The following PCDH11X variants were observed in gnomAD, a reference collection of about 807,000 sequenced individuals.
The protein encoded by PCDH11X is protocadherin-11 X-linked.
A neutral mutation model predicts 53.3 loss-of-function variants in PCDH11X; 18 were observed. The ratio of observed to expected loss-of-function variants is 0.34; its 90% CI spans 0.23 to 0.50. The LOEUF is 0.50. Among genes scored for constraint, PCDH11X ranks in the 20% least tolerant of loss-of-function variants. PCDH11X has a pLI of 0.98. For missense variants in PCDH11X, 570 were observed against 1,032.4 expected (o/e 0.55, Z 6.14); for synonymous variants, 279 against 393.3 (o/e 0.71, Z 3.44).
intron 4 of PCDH11X, among the ~76,000 whole-genome samples, chrX:91,832,984 G>A (rs1262460758): frequency 1.0e-5 from 1 of 97,040 alleles, no homozygotes; most frequent in African/African-American, 3.8e-5. Flanking sequence ...AATTTTTCCT[G>A]ATCCTCTCCC....
intron 10 of PCDH11X, among the ~76,000 whole-genome samples, chrX:92,578,182 G>A (rs776201154): frequency 1.1e-5 from 1 of 93,760 alleles, no homozygotes; most frequent in Non-Finnish European, 2.1e-5. Context: ...GACACAGGGA[G>A]GGGAACATCA....
At position 92,094,169 on chromosome X, in the gene PCDH11X, GTGTGTGTA is replaced by G. The variant is rs1439281133; in HGVS notation, c.3034-107204_3034-107197del. Among the ~76,000 whole-genome samples the G allele has an allele frequency of 5.2e-3, 426 of 81,405 alleles. 4 individuals carry two copies. The highest frequency in any genetic ancestry group is 0.023 in the African/African-American group (392 of 17,070). 70.7% of individuals were successfully genotyped at this position (81,405 alleles called of 115,157 possible). A position where few individuals can be genotyped will look rare whatever the true frequency, so the allele number is the denominator to read the frequency against. ...TGTGTGTGTGTGTGTGTGTGTGTGTGTGTGTGTATATATATATAAAACATTAAATTAAA... is the reference window on the plus strand; with the variant it reads ...TGTGTGTGTGTGTGTGTGTGTGTGTGTATATATATAAAACATTAAATTAAA... On this transcript the variant is annotated intron_variant, in intron 6 of 10. Coordinates refer to ENST00000682573, the MANE Select transcript of PCDH11X (RefSeq NM_032968.5).
intron 6 of PCDH11X, among the ~76,000 whole-genome samples, chrX:92,104,523 A>G (rs949424657): frequency 6.3e-5 from 7 of 111,312 alleles, no homozygotes; most frequent in Non-Finnish European, 1.1e-4. Flanking sequence ...GGAAAAATTG[A>G]AAGTGCCGTT....
chrX:92,174,786 T>C (rs1366326770), intron 6 of PCDH11X, among the ~76,000 whole-genome samples: 1 of 111,458 alleles, frequency 9.0e-6, no homozygotes, highest in Non-Finnish European at 1.9e-5. Flanking sequence ...CCAAAATAAA[T>C]GTTACTACTT....
chrX:91,796,286 T>C (rs1202890601), intron 1 of PCDH11X, among the ~76,000 whole-genome samples: 3 of 112,146 alleles, frequency 2.7e-5, no homozygotes, highest in Admixed American at 1.9e-4. Flanking sequence ...TGTTCTTTTC[T>C]ACCAGAGCCA....
At position 92,537,156 on chromosome X, in the gene PCDH11X, T is replaced by C. The variant is rs190883700; in HGVS notation, c.3367+68834T>C. On this transcript the variant is annotated intron_variant, in intron 10 of 10. Coordinates refer to ENST00000682573, the MANE Select transcript of PCDH11X (RefSeq NM_032968.5). ...CATTTTGTGAGTTGTCTTTTAACTT[T>C]GTTTATTATTTTCTTCATCCTGCAG... Among the ~76,000 whole-genome samples, 351 of 110,976 alleles carry C rather than the reference T, an allele frequency of 3.2e-3. 2 individuals are homozygous for C. Among genetic ancestry groups the C allele is most frequent in the African/African-American group, 0.011 (337 of 30,584 alleles).
chrX:92,132,894 A>G (rs2065020484), intron 6 of PCDH11X, among the ~76,000 whole-genome samples: 1 of 108,643 alleles, frequency 9.2e-6, no homozygotes, highest in Admixed American at 1.0e-4. Flanking sequence ...AAGAATTCAA[A>G]TCCTTTTCAA....
At chrX:92,563,067 T>G (rs1390923483) in intron 10 of PCDH11X, among the ~76,000 whole-genome samples, 8 of 84,590 alleles carry the variant, frequency 9.5e-5, no homozygotes, top group African/African-American at 3.1e-4. Context: ...TTTTTTTTTT[T>G]TTTTTTTTTT....
chrX:92,342,309 A>T (rs1158337715), intron 8 of PCDH11X, among the ~76,000 whole-genome samples: 4 of 110,491 alleles, frequency 3.6e-5, no homozygotes, highest in African/African-American at 1.3e-4. Flanking sequence ...CAACAAATGA[A>T]AAAAAGAAAA....
intron 6 of PCDH11X, among the ~76,000 whole-genome samples, chrX:91,988,068 T>C (rs1453181326): frequency 9.0e-6 from 1 of 111,247 alleles, no homozygotes; most frequent in Non-Finnish European, 1.9e-5. Context: ...AATCTTGGGA[T>C]AGAATATACC....
At chrX:92,203,345 A>G (rs1306479208) in intron 7 of PCDH11X, among the ~76,000 whole-genome samples, 4 of 112,833 alleles carry the variant, frequency 3.5e-5, no homozygotes, top group Non-Finnish European at 7.5e-5. Flanking sequence ...TGCAATTATA[A>G]CATCCTACAG....
chrX:91,979,071 T>A (rs2147923064), intron 6 of PCDH11X, among the ~76,000 whole-genome samples: 1 of 111,821 alleles, frequency 8.9e-6, no homozygotes, highest in East Asian at 2.8e-4. Flanking sequence ...AAAACTATTT[T>A]AATGGTGTTC....
intron 4 of PCDH11X, among the ~76,000 whole-genome samples, chrX:91,818,485 G>T (rs1936523632): frequency 9.1e-6 from 1 of 109,800 alleles, no homozygotes; most frequent in Non-Finnish European, 1.9e-5. Flanking sequence ...GGATCATGAG[G>T]TCAGGAGATC....
chrX:91,884,191 A>AAG, intron 6 of PCDH11X, among the ~76,000 whole-genome samples: 1 of 50,718 alleles, frequency 2.0e-5, no homozygotes, highest in African/African-American at 1.0e-4. Flanking sequence ...ACTCCGTCTC[A>AAG]AAAAAAAAAA....
At chrX:92,594,367 C>G in intron 10 of PCDH11X, among the ~76,000 whole-genome samples, 1 of 111,110 alleles carries the variant, frequency 9.0e-6, no homozygotes, top group Admixed American at 9.6e-5. Context: ...TTTGGTATAT[C>G]AAAATCATAC....
intron 9 of PCDH11X, among the ~76,000 whole-genome samples, chrX:92,394,258 T>C (rs2071196791): frequency 9.0e-6 from 1 of 111,415 alleles, no homozygotes. Context: ...GACGAGTGTA[T>C]CTTTAATATC....
chrX:91,817,929 G>C (rs990543172), intron 4 of PCDH11X, among the ~76,000 whole-genome samples: 2 of 111,459 alleles, frequency 1.8e-5, no homozygotes, highest in African/African-American at 3.3e-5. Flanking sequence ...CCCTGTGATC[G>C]CAATTTCCTA....
chrX:92,565,254 A>G (rs766921035), intron 10 of PCDH11X, among the ~76,000 whole-genome samples: 1 of 92,249 alleles, frequency 1.1e-5, no homozygotes, highest in African/African-American at 3.9e-5. Context: ...AACAAAAGCT[A>G]TTATATTATC....
At chrX:92,037,998 G>T (rs1161420288) in intron 6 of PCDH11X, among the ~76,000 whole-genome samples, 1 of 105,945 alleles carries the variant, frequency 9.4e-6, no homozygotes, top group African/African-American at 3.5e-5. Context: ...CTCCTATTCT[G>T]TAGGTTGCCT....
Sources: gnomAD v4.1 joint callset for allele counts (sites outside exome capture counted in the v4.1 genomes callset) on GRCh38, gnomAD v4.1.1 for gene constraint, MANE v1.5 for transcripts, NCBI Gene and HGNC (gene_info 2026-07-23, HGNC 2026-07-21) for gene names.